Variants in PIK3CG observed in about 807,000 individuals in gnomAD.
PIK3CG encodes the protein phosphatidylinositol 4,5-bisphosphate 3-kinase catalytic subunit gamma isoform.
Under a neutral mutation model 102.3 loss-of-function variants are expected in PIK3CG, and 55 were observed. That is an observed-to-expected ratio of 0.54 (90% CI 0.43 to 0.67). The LOEUF (loss-of-function observed/expected upper bound fraction) is 0.67, where lower values mean the gene tolerates loss of function less well. Ranked by LOEUF, PIK3CG falls within the 30% of genes least tolerant of loss-of-function variation. PIK3CG has a pLI of 0.00. For missense variants in PIK3CG, 1,258 were observed against 1,391.8 expected (o/e 0.90, Z 1.53); for synonymous variants, 552 against 540.0 (o/e 1.02, Z -0.31).
chr7:106,907,868 C>T lies in PIK3CG; in HGVS notation c.*2481C>T, dbSNP rs1047158303. On this transcript the variant is annotated 3_prime_UTR_variant, in exon 11 of 11. Transcript: ENST00000496166. ...TATATATATATATATCACAGTTGGG[C>T]TTGATTCTTCCGTATTCCAAAGAGC... Among the ~76,000 whole-genome samples, 1 of 141,170 alleles carries T rather than the reference C, an allele frequency of 7.1e-6. No homozygotes were observed. The highest frequency in any genetic ancestry group is 7.3e-5 in the Admixed American group (1 of 13,672). The allele number at this position is 141,170 out of a possible 152,430, so 92.6% of individuals were successfully genotyped here.
At position 106,906,277 on chromosome 7, in the gene PIK3CG, A is replaced by T. The variant is rs1791682549; in HGVS notation, c.*890A>T. On this transcript the variant is annotated 3_prime_UTR_variant, in exon 11 of 11. Coordinates refer to ENST00000496166, the MANE Select transcript of PIK3CG (RefSeq NM_001282426.2). ...GAACACCTTTACTCTATAACTCAAAAATTAGTTGAAAAATAATTACTTCTC... is the reference window on the plus strand; with the variant it reads ...GAACACCTTTACTCTATAACTCAAATATTAGTTGAAAAATAATTACTTCTC... 4.4e-6 allele frequency: 1 copy of T among 229,268 alleles called. No individual in the cohort carries two copies. Among genetic ancestry groups the T allele is most frequent in the South Asian group, 1.8e-4 (1 of 5,462 alleles). 14.2% of individuals were successfully genotyped at this position (229,268 alleles called of 1,614,324 possible).
chr7:106,868,298 A>G lies in PIK3CG; in HGVS notation c.737A>G (p.Gln246Arg), dbSNP rs1213164742. 1.2e-6 allele frequency: 2 copies of G among 1,614,204 alleles called. No individual in the cohort carries two copies. The highest frequency in any genetic ancestry group is 1.7e-5 in the Admixed American group (1 of 60,034). The change falls in exon 2 of 11, where the codon CAG becomes CGG. Residue 246 changes from glutamine to arginine, a missense_variant. Transcript: ENST00000496166. This position sits in a 1 kb window ranked among gnomAD's most constrained non-coding sequence, Gnocchi z 6.2. ...SPDDTPGAIL[Q>R]SFFTKMAKKK... ...GACGACACCCCCGGCGCCATCCTGC[A>G]GAGCTTCTTCACCAAGATGGCCAAG...
chr7:106,898,234 T>G (rs1384058161), intron 10 of PIK3CG, among the ~76,000 whole-genome samples: 1 of 152,216 alleles, frequency 6.6e-6, no homozygotes, highest in Non-Finnish European at 1.5e-5. Context: ...GGATTGTTTT[T>G]CTCTTGTAAA....
rs1297864046 is a variant in PIK3CG at position 106,908,119 on chromosome 7, T to C, written c.*2732T>C. ...ATCAGGCCAAAGCAACTTTTATGTA[T>C]ATCTAGGACTGGCGACATAATTTGC... On this transcript the variant is annotated 3_prime_UTR_variant, in exon 11 of 11. Transcript: ENST00000496166. This position sits in a 1 kb window ranked among gnomAD's most constrained non-coding sequence, Gnocchi z 4.1. Among the ~76,000 whole-genome samples, 3 of 152,132 alleles carry C rather than the reference T, an allele frequency of 2.0e-5. No homozygotes were observed. The East Asian group carries it at 5.8e-4, about 29-fold the overall frequency.
rs2116425425 is a variant in PIK3CG at position 106,867,912 on chromosome 7, G to A, written c.351G>A (p.Gln117=). 1 of 1,613,280 alleles carries A rather than the reference G, an allele frequency of 6.2e-7. No homozygotes were observed. Among genetic ancestry groups the A allele is most frequent in the Non-Finnish European group, 8.5e-7 (1 of 1,179,968 alleles). Residue 117 remains glutamine, a synonymous_variant, in exon 2 of 11, where the codon CAG becomes CAA. Coordinates refer to ENST00000496166, the MANE Select transcript of PIK3CG (RefSeq NM_001282426.2). This position sits in a 1 kb window ranked among gnomAD's most constrained non-coding sequence, Gnocchi z 5.1. ...YEIYDKYQVV[Q]TLDCLRYWKA... ...TCTACGACAAGTACCAGGTGGTGCA[G>A]ACTCTGGACTGCCTGCGCTACTGGA...
At position 106,905,101 on chromosome 7, in the gene PIK3CG, T is replaced by C. The variant is rs772291360; in HGVS notation, c.3031-8T>C. On this transcript the variant is annotated splice_region_variant and splice_polypyrimidine_tract_variant and intron_variant, in intron 10 of 10. Coordinates refer to ENST00000496166, the MANE Select transcript of PIK3CG (RefSeq NM_001282426.2). The surrounding 1 kb of genome is among the most constrained non-coding windows in gnomAD (Gnocchi z 5.6). ...AACAGTAACAGCATTTTCTTCTTCT[T>C]TATCCAGGACATCTGTGTTAAGGCT... 4.3e-6 allele frequency: 7 copies of C among 1,610,256 alleles called. No homozygotes were observed. Among genetic ancestry groups the C allele is most frequent in the Non-Finnish European group, 5.9e-6 (7 of 1,177,594 alleles).
intron 5 of PIK3CG, among the ~76,000 whole-genome samples, chr7:106,875,143 G>A (rs1228981809): frequency 6.6e-6 from 1 of 152,142 alleles, no homozygotes; most frequent in East Asian, 1.9e-4. Context: ...GAGGTCAGGA[G>A]TTCAAGACCA....
chr7:106,906,414 T>A lies in PIK3CG; in HGVS notation c.*1027T>A, dbSNP rs1791685435. The A allele has an allele frequency of 4.3e-6, 1 of 229,966 alleles. No individual in the cohort carries two copies. The highest frequency in any genetic ancestry group is 8.6e-6 in the Non-Finnish European group (1 of 116,170). The allele number at this position is 229,966 out of a possible 1,614,324, so 14.2% of individuals were successfully genotyped here. A position where few individuals can be genotyped will look rare whatever the true frequency, so the allele number is the denominator to read the frequency against. On this transcript the variant is annotated 3_prime_UTR_variant, in exon 11 of 11. Transcript: ENST00000496166. Reference sequence around the variant, plus strand: ...AAATATGAATTAGTTTCCAAATGCCTTAATTTTAAACTTTGGCCTGAACAG... The same window carrying A: ...AAATATGAATTAGTTTCCAAATGCCATAATTTTAAACTTTGGCCTGAACAG...
At position 106,891,225 on chromosome 7, in the gene PIK3CG, T is replaced by C. The variant is rs563172869; in HGVS notation, c.3030+4933T>C. On this transcript the variant is annotated intron_variant, in intron 10 of 10. Coordinates refer to ENST00000496166, the MANE Select transcript of PIK3CG (RefSeq NM_001282426.2). This position sits in a 1 kb window ranked among gnomAD's most constrained non-coding sequence, Gnocchi z 4.4. ...ATCAAACTGGATAACCTCTGGGGTG[T>C]CTTCCTTCCATATCATACATTGTAT... is the stretch of plus-strand genomic sequence containing the variant. 4.6e-5 allele frequency among the ~76,000 whole-genome samples: 7 copies of C among 152,280 alleles called. No individual in the cohort carries two copies. The East Asian group carries it at 1.2e-3, about 25-fold the overall frequency.
In PIK3CG at chr7:106,903,739, T is replaced by C. The variant is rs1479987357; in HGVS notation, c.3031-1370T>C. On this transcript the variant is annotated intron_variant, in intron 10 of 10. Coordinates refer to ENST00000496166, the MANE Select transcript of PIK3CG (RefSeq NM_001282426.2). The surrounding 1 kb of genome is among the most constrained non-coding windows in gnomAD (Gnocchi z 4.3). The stretch of plus-strand genomic sequence containing the variant: ...AATAAGTTTTCCTTCACTTTTCTGA[T>C]TTTATTTTTTTTATTTATTTATTTA... 7.5e-5 allele frequency among the ~76,000 whole-genome samples: 6 copies of C among 79,598 alleles called. No individual in the cohort carries two copies. The highest frequency in any genetic ancestry group is 9.9e-5 in the Non-Finnish European group (4 of 40,222). The allele number at this position is 79,598 out of a possible 152,430, so 52.2% of individuals were successfully genotyped here.
rs549484566 is a variant in PIK3CG, at chr7:106,897,471, G to A, written c.3031-7638G>A. 9.2e-5 allele frequency among the ~76,000 whole-genome samples: 14 copies of A among 152,096 alleles called. No individual in the cohort carries two copies. The highest frequency in any genetic ancestry group is 4.6e-4 in the Admixed American group (7 of 15,268). On this transcript the variant is annotated intron_variant, in intron 10 of 10. Coordinates refer to ENST00000496166, the MANE Select transcript of PIK3CG (RefSeq NM_001282426.2). The surrounding 1 kb of genome is among the most constrained non-coding windows in gnomAD (Gnocchi z 4.6). ...AGGGGTTTGTTGTACACATCATTTCGTCACCCAGGCATTAAGCCCAGTACC... is the reference window on the plus strand; with the variant it reads ...AGGGGTTTGTTGTACACATCATTTCATCACCCAGGCATTAAGCCCAGTACC...
At position 106,868,139 on chromosome 7, in the gene PIK3CG, C is replaced by A; in HGVS notation, c.578C>A (p.Pro193His). Residue 193 changes from proline to histidine, a missense_variant, in exon 2 of 11, where the codon CCC becomes CAC. By Grantham distance (77) the Pro-to-His change is moderately conservative. This residue lies in a region of PIK3CG where 832 missense variants were observed against 787.5 expected (regional missense o/e 1.06). Transcript: ENST00000496166. This position sits in a 1 kb window ranked among gnomAD's most constrained non-coding sequence, Gnocchi z 6.2. ...ATGGCGGAGGTGGCCAGCCGCGACC[C>A]CAAGCTCTACGCCATGCACCCGTGG... ...PRMAEVASRDPKLYAMHPWVT... is the reference protein window; with the variant it reads ...PRMAEVASRDHKLYAMHPWVT... 13 of 1,613,246 alleles carry A rather than the reference C, an allele frequency of 8.1e-6. No individual in the cohort carries two copies. Among genetic ancestry groups the A allele is most frequent in the Non-Finnish European group, 1.1e-5 (13 of 1,179,942 alleles).
At chr7:106,885,786 A>G (rs912608460) in intron 9 of PIK3CG, among the ~76,000 whole-genome samples, 2 of 152,162 alleles carry the variant, frequency 1.3e-5, no homozygotes, top group Non-Finnish European at 2.9e-5. Flanking sequence ...ACATCAGTCT[A>G]TCCTGAGTTG....
rs191304601 is a variant in PIK3CG at position 106,895,702 on chromosome 7, C to G, written c.3031-9407C>G. 1.3e-5 allele frequency among the ~76,000 whole-genome samples: 2 copies of G among 152,284 alleles called. No homozygotes were observed. Among genetic ancestry groups the G allele is most frequent in the Admixed American group, 1.3e-4 (2 of 15,304 alleles). ...CTTAGCGTTGAACAGTATGTGTATT[C>G]AATAATGCAGCTCCTCGTGGTATTG... On this transcript the variant is annotated intron_variant, in intron 10 of 10. Coordinates refer to ENST00000496166, the MANE Select transcript of PIK3CG (RefSeq NM_001282426.2). This position sits in a 1 kb window ranked among gnomAD's most constrained non-coding sequence, Gnocchi z 5.4.
In PIK3CG at chr7:106,884,306, A is replaced by G; in HGVS notation, c.2872+40A>G. 8.1e-7 allele frequency: 1 copy of G among 1,231,306 alleles called. No homozygotes were observed. Among genetic ancestry groups the G allele is most frequent in the Non-Finnish European group, 1.2e-6 (1 of 834,730 alleles). The allele number at this position is 1,231,306 out of a possible 1,614,324, so 76.3% of individuals were successfully genotyped here. A position where few individuals can be genotyped will look rare whatever the true frequency, so the allele number is the denominator to read the frequency against. ...TGCAGAATAAACTTTTATTGTGGTAAAATATATATAACATAACATTTACTA... is the reference window on the plus strand; with the variant it reads ...TGCAGAATAAACTTTTATTGTGGTAGAATATATATAACATAACATTTACTA... On this transcript the variant is annotated intron_variant, in intron 9 of 10. Transcript: ENST00000496166. This position sits in a 1 kb window ranked among gnomAD's most constrained non-coding sequence, Gnocchi z 4.2.
rs112943477 is a variant in PIK3CG, at chr7:106,868,446, C to G, written c.885C>G (p.His295Gln). The change falls in exon 2 of 11, where the codon CAC becomes CAG. Residue 295 changes from histidine to glutamine, a missense_variant. This residue lies in a region of PIK3CG where 832 missense variants were observed against 787.5 expected (regional missense o/e 1.06). Coordinates refer to ENST00000496166, the MANE Select transcript of PIK3CG (RefSeq NM_001282426.2). The surrounding 1 kb of genome is among the most constrained non-coding windows in gnomAD (Gnocchi z 6.2). ...TCAAAAACTTCCAGTGGGTGAGGCA[C>G]TGCCTCAAGAACGGAGAAGAGATTC... The part of the protein sequence containing the change: ...TPIKNFQWVR[H>Q]CLKNGEEIHV... 7 of 1,614,220 alleles carry G rather than the reference C, an allele frequency of 4.3e-6. No individual in the cohort carries two copies. The Admixed American group carries it at 6.7e-5, about 15-fold the overall frequency.
rs374582779 is a variant in PIK3CG, at chr7:106,891,079, C to G, written c.3030+4787C>G. 8.9e-4 allele frequency among the ~76,000 whole-genome samples: 135 copies of G among 152,366 alleles called. 1 individual carries two copies. The highest frequency in any genetic ancestry group is 3.0e-3 in the African/African-American group (126 of 41,596). ...TCTTTCCCTATCCCAACTGTGAGCTCTGTGCAGCAGGGCCACATGTGTCCT... is the reference window on the plus strand; with the variant it reads ...TCTTTCCCTATCCCAACTGTGAGCTGTGTGCAGCAGGGCCACATGTGTCCT... On this transcript the variant is annotated intron_variant, in intron 10 of 10. Coordinates refer to ENST00000496166, the MANE Select transcript of PIK3CG (RefSeq NM_001282426.2). This position sits in a 1 kb window ranked among gnomAD's most constrained non-coding sequence, Gnocchi z 4.4.
At position 106,903,667 on chromosome 7, in the gene PIK3CG, T is replaced by C. The variant is rs1222448967; in HGVS notation, c.3031-1442T>C. On this transcript the variant is annotated intron_variant, in intron 10 of 10. Coordinates refer to ENST00000496166, the MANE Select transcript of PIK3CG (RefSeq NM_001282426.2). The surrounding 1 kb of genome is among the most constrained non-coding windows in gnomAD (Gnocchi z 4.3). ...AAAAACCTAGTTTATTAAAAACTAC[T>C]TACAGTAATATTTGATTTTTTAAAG... Among the ~76,000 whole-genome samples, 1 of 151,924 alleles carries C rather than the reference T, an allele frequency of 6.6e-6. No homozygotes were observed.
chr7:106,889,706 C>T (rs770018581), intron 10 of PIK3CG, among the ~76,000 whole-genome samples: 19 of 152,266 alleles, frequency 1.2e-4, no homozygotes, highest in African/African-American at 4.6e-4. Context: ...GAAAAACATA[C>T]CTAACTAGTG....
Sources: allele counts gnomAD v4.1 joint callset (sites outside exome capture counted in the v4.1 genomes callset), GRCh38; gene constraint gnomAD v4.1.1; regional missense constraint gnomAD v4.1.1; non-coding constraint Gnocchi (gnomAD v3.1); transcripts MANE v1.5; gene names NCBI Gene and HGNC (gene_info 2026-07-23, HGNC 2026-07-21).